MAST4: variants seen among roughly 807,000 people sequenced by gnomAD.
MAST4 encodes microtubule associated serine/threonine kinase family member 4.
In MAST4, 89 loss-of-function variants were observed where a neutral mutation model predicts 162.7. The ratio of observed to expected loss-of-function variants is 0.55; its 90% CI spans 0.46 to 0.65. The LOEUF (loss-of-function observed/expected upper bound fraction) is 0.65, where lower values mean the gene tolerates loss of function less well. Ranked by LOEUF, MAST4 falls within the 30% of genes least tolerant of loss-of-function variation. The pLI is 0.00. For synonymous variants in MAST4, 1,479 were observed against 1,361.1 expected, an observed-to-expected ratio of 1.09 and a Z score of -1.91; for missense variants, 3,153 against 3,374.0, an observed-to-expected ratio of 0.93 and a Z score of 1.62.
intron 3 of MAST4, among the ~76,000 whole-genome samples, chr5:66,889,357 AAAAG>A (rs1394389039): frequency 6.6e-6 from 1 of 152,210 alleles, no homozygotes; most frequent in Non-Finnish European, 1.5e-5. Context: ...TTCTAGGAAA[AAAAG>A]GAAATCACAA....
chr5:67,139,226 C>A (rs1770072252), intron 19 of MAST4, among the ~76,000 whole-genome samples: 1 of 152,166 alleles, frequency 6.6e-6, no homozygotes, highest in Non-Finnish European at 1.5e-5. Flanking sequence ...CCAATGACAG[C>A]GTTTTGTATT....
chr5:66,629,514 T>A (rs1342168758), intron 1 of MAST4, among the ~76,000 whole-genome samples: 1 of 152,208 alleles, frequency 6.6e-6, no homozygotes, highest in African/African-American at 2.4e-5. Flanking sequence ...CATTTCCACC[T>A]GGGCCCACAC....
chr5:67,049,043 G>GTATATATA lies in MAST4; in HGVS notation c.675-5360_675-5359insATATATAT, dbSNP rs1491152523. Among the ~76,000 whole-genome samples, 329 of 54,034 alleles carry GTATATATA rather than the reference G, an allele frequency of 6.1e-3. 10 individuals carry two copies. The highest frequency in any genetic ancestry group is 9.7e-3 in the Non-Finnish European group (269 of 27,820). The allele number at this position is 54,034 out of a possible 152,430, so 35.4% of individuals were successfully genotyped here. A position where few individuals can be genotyped will look rare whatever the true frequency, so the allele number is the denominator to read the frequency against. The stretch of plus-strand genomic sequence containing the variant: ...TATACGTATATATATATATATATAC[G>GTATATATA]TGTATATATATATATACGTATATAT... On this transcript the variant is annotated intron_variant, in intron 4 of 28. Transcript: ENST00000403625.
chr5:66,627,010 A>AG (rs1278026766), intron 1 of MAST4, among the ~76,000 whole-genome samples: 2 of 152,182 alleles, frequency 1.3e-5, no homozygotes, highest in African/African-American at 4.8e-5. Context: ...CAAAGATAGG[A>AG]GGTTTGTATT....
chr5:67,107,844 T>G (rs886245698), intron 10 of MAST4, among the ~76,000 whole-genome samples: 24 of 152,214 alleles, frequency 1.6e-4, no homozygotes, highest in Non-Finnish European at 5.9e-5. Context: ...ATAAAATACA[T>G]AGGAAGCTCT....
intron 3 of MAST4, among the ~76,000 whole-genome samples, chr5:66,846,721 A>G (rs1421219142): frequency 1.3e-5 from 2 of 152,208 alleles, no homozygotes; most frequent in Non-Finnish European, 2.9e-5. Context: ...AGAAAAATGA[A>G]TAAGGCCAGA....
chr5:66,789,278 TCA>T (rs1328883042), intron 3 of MAST4, among the ~76,000 whole-genome samples: 1 of 152,198 alleles, frequency 6.6e-6, no homozygotes, highest in African/African-American at 2.4e-5. Context: ...ACCTTTGTTA[TCA>T]CAGTTATCAA....
intron 4 of MAST4, among the ~76,000 whole-genome samples, chr5:66,938,435 G>A (rs892670835): frequency 2.6e-5 from 4 of 152,214 alleles, no homozygotes; most frequent in South Asian, 2.1e-4. Flanking sequence ...AAAAATTGCC[G>A]GAATTTAATG....
At chr5:67,083,085 A>G (rs114972499) in intron 5 of MAST4, among the ~76,000 whole-genome samples, 1,665 of 152,298 alleles carry the variant, frequency 0.011, 27 homozygotes, top group African/African-American at 0.039. Context: ...ACAGGCCAAG[A>G]GTTTCCAAGA....
intron 3 of MAST4, among the ~76,000 whole-genome samples, chr5:66,859,881 G>T (rs1044896039): frequency 1.3e-5 from 2 of 152,182 alleles, no homozygotes; most frequent in Admixed American, 6.5e-5. Flanking sequence ...AGGTCATATT[G>T]TTTATGGCTC....
At chr5:67,041,704 C>T (rs1442303243) in intron 4 of MAST4, among the ~76,000 whole-genome samples, 2 of 152,248 alleles carry the variant, frequency 1.3e-5, no homozygotes, top group African/African-American at 4.8e-5. Flanking sequence ...TCTCAGCTCA[C>T]TGCAACCTCC....
chr5:66,663,735 C>T (rs1314526830), intron 1 of MAST4, among the ~76,000 whole-genome samples: 1 of 152,070 alleles, frequency 6.6e-6, no homozygotes, highest in Non-Finnish European at 1.5e-5. Context: ...GACCTGTGGG[C>T]CATTTTTAGA....
intron 3 of MAST4, among the ~76,000 whole-genome samples, chr5:66,793,722 G>A (rs1263976439): frequency 6.6e-6 from 1 of 152,136 alleles, no homozygotes; most frequent in African/African-American, 2.4e-5. Context: ...TTGGAATCCT[G>A]TGCCTCATCT....
At chr5:66,732,550 A>C (rs1216796273) in intron 1 of MAST4, among the ~76,000 whole-genome samples, 1 of 152,206 alleles carries the variant, frequency 6.6e-6, no homozygotes, top group African/African-American at 2.4e-5. Context: ...TTTGCTTAGG[A>C]AGCTGGCTTC....
intron 4 of MAST4, among the ~76,000 whole-genome samples, chr5:66,903,002 C>G (rs1763108406): frequency 1.3e-5 from 2 of 152,134 alleles, no homozygotes; most frequent in Non-Finnish European, 2.9e-5. Context: ...CCAGAGTATA[C>G]TTATCAGCAG....
intron 1 of MAST4, among the ~76,000 whole-genome samples, chr5:66,655,479 AG>A (rs1270102046): frequency 1.3e-4 from 20 of 152,190 alleles, no homozygotes; most frequent in African/African-American, 4.6e-4. Flanking sequence ...TTGAGATTTC[AG>A]TTCTAGGAGT....
Position 67,041,556 on chromosome 5 carries a change from GT to G in MAST4, c.675-12847del, listed in dbSNP as rs548834621. On this transcript the variant is annotated intron_variant, in intron 4 of 28. Transcript: ENST00000403625. ...GGCCAAGATTTATAAAGCACTTGCT[GT>G]GTGCCAGCACTATCATAATTTCTTT... Among the ~76,000 whole-genome samples the G allele has an allele frequency of 4.4e-4, 67 of 152,304 alleles. No individual in the cohort carries two copies. The South Asian group carries it at 0.013, about 31-fold the overall frequency.
At chr5:67,133,757 T>C in intron 17 of MAST4, 111 bp downstream of exon 17, 1 of 1,208,950 alleles carries the variant, frequency 8.3e-7, no homozygotes, top group Non-Finnish European at 1.2e-6. Flanking sequence ...GTGGTTTAGA[T>C]GTCTGTATAA....
chr5:66,685,221 C>T (rs566210041), intron 1 of MAST4, among the ~76,000 whole-genome samples: 2 of 152,096 alleles, frequency 1.3e-5, no homozygotes, highest in Admixed American at 6.6e-5. Flanking sequence ...TGAGATCACA[C>T]CACTGCACTC....
Sources: allele counts gnomAD v4.1 joint callset (sites outside exome capture counted in the v4.1 genomes callset), GRCh38; gene constraint gnomAD v4.1.1; transcripts MANE v1.5; gene names NCBI Gene and HGNC (gene_info 2026-07-23, HGNC 2026-07-21).